Variants in ZNF385C observed in about 807,000 individuals in gnomAD.
The protein encoded by ZNF385C is zinc finger protein 385C, also known as CTD-2132N18.2.
ZNF385C carries 28 observed loss-of-function variants against 35.4 expected under a neutral mutation model. That is an observed-to-expected ratio of 0.79 (90% CI 0.59 to 1.08). The LOEUF (loss-of-function observed/expected upper bound fraction) is 1.08, where lower values mean the gene tolerates loss of function less well. Ranked by LOEUF, ZNF385C falls within the 50% of genes least tolerant of loss-of-function variation. The pLI, the probability that ZNF385C is intolerant of heterozygous loss-of-function variation, is 0.00. For missense variants in ZNF385C, 605 were observed against 595.6 expected, an observed-to-expected ratio of 1.02 and a Z score of -0.16; for synonymous variants, 248 against 248.2, an observed-to-expected ratio of 1.00 and a Z score of 0.01.
At chr17:42,042,468 G>A (rs2053047506) in intron 2 of ZNF385C, among the ~76,000 whole-genome samples, 2 of 152,002 alleles carry the variant, frequency 1.3e-5, no homozygotes, top group South Asian at 4.1e-4. Flanking sequence ...GTTGCAGTGA[G>A]CTGAGATCAC....
Position 42,026,839 on chromosome 17 carries a change from G to T in ZNF385C, c.*58C>A. ...GCATGTAGGAAACCAAGGTGTCTCA[G>T]GACAGGAGGAGACAAGGAGTGGCTA... On this transcript the variant is annotated 3_prime_UTR_variant, in exon 9 of 9. Coordinates refer to ENST00000692273, the MANE Select transcript of ZNF385C (RefSeq NM_001392013.1). The T allele has an allele frequency of 6.7e-7, 1 of 1,487,420 alleles. No homozygotes were observed. Among genetic ancestry groups the T allele is most frequent in the South Asian group, 1.2e-5 (1 of 82,856 alleles). The allele number at this position is 1,487,420 out of a possible 1,614,324, so 92.1% of individuals were successfully genotyped here. A position where few individuals can be genotyped will look rare whatever the true frequency, so the allele number is the denominator to read the frequency against.
Position 42,050,252 on chromosome 17 carries a change from C to G in ZNF385C, c.251-12367G>C, listed in dbSNP as rs2053253127. ...CCAGAATGTGGGTCCCGAGCCTCCT[C>G]CCCGGGCTCCTGGGGGCCCCTTGCT... is the stretch of plus-strand genomic sequence containing the variant. On this transcript the variant is annotated intron_variant, in intron 2 of 8. Coordinates refer to ENST00000692273, the MANE Select transcript of ZNF385C (RefSeq NM_001392013.1). The surrounding 1 kb of genome is among the most constrained non-coding windows in gnomAD (Gnocchi z 5.6). Among the ~76,000 whole-genome samples, 1 of 152,214 alleles carries G rather than the reference C, an allele frequency of 6.6e-6. No individual in the cohort carries two copies. The highest frequency in any genetic ancestry group is 1.5e-5 in the Non-Finnish European group (1 of 68,010).
chr17:42,073,894 G>A (rs936744108), intron 1 of ZNF385C, among the ~76,000 whole-genome samples: 1 of 152,226 alleles, frequency 6.6e-6, no homozygotes, highest in Non-Finnish European at 1.5e-5. Context: ...AGGCCCCATG[G>A]TGGGGAGCCT....
Position 42,050,917 on chromosome 17 carries a change from A to G in ZNF385C, c.250+11890T>C, listed in dbSNP as rs2143760550. Among the ~76,000 whole-genome samples the G allele has an allele frequency of 6.6e-6, 1 of 152,286 alleles. No individual in the cohort carries two copies. The highest frequency in any genetic ancestry group is 1.5e-5 in the Non-Finnish European group (1 of 68,000). The stretch of plus-strand genomic sequence containing the variant: ...CTCACAGCCTAAGCCACAGACAGGT[A>G]GAGCGCGGTAGAGGCTGCAAAGTGT... On this transcript the variant is annotated intron_variant, in intron 2 of 8. Transcript: ENST00000692273. This position sits in a 1 kb window ranked among gnomAD's most constrained non-coding sequence, Gnocchi z 5.6.
At chr17:42,067,750 C>T (rs550425213) in intron 1 of ZNF385C, among the ~76,000 whole-genome samples, 1 of 152,132 alleles carries the variant, frequency 6.6e-6, no homozygotes, top group African/African-American at 2.4e-5. Flanking sequence ...CCCAACTCTC[C>T]CAGCAGGAGG....
intron 1 of ZNF385C, among the ~76,000 whole-genome samples, chr17:42,089,148 T>C (rs2143948736): frequency 6.6e-6 from 1 of 151,978 alleles, no homozygotes; most frequent in Admixed American, 6.6e-5. Context: ...CAACTCCATC[T>C]CTACAAAAAA....
intron 2 of ZNF385C, among the ~76,000 whole-genome samples, chr17:42,053,350 T>C (rs1447894782): frequency 3.3e-5 from 5 of 151,796 alleles, no homozygotes; most frequent in African/African-American, 4.8e-5. Flanking sequence ...GAGGGGAGCA[T>C]TGATTTGGAC....
intron 5 of ZNF385C, 115 bp downstream of exon 5, chr17:42,031,504 T>C: frequency 7.5e-7 from 1 of 1,333,928 alleles, no homozygotes; most frequent in Non-Finnish European, 1.0e-6. Flanking sequence ...TGCCTTTGCC[T>C]GTCTGTATGG....
chr17:42,089,826 T>C (rs1377086115), intron 1 of ZNF385C, among the ~76,000 whole-genome samples: 1 of 151,954 alleles, frequency 6.6e-6, no homozygotes, highest in African/African-American at 2.4e-5. Context: ...TACAAAAGAA[T>C]GAAAAACATG....
At chr17:42,076,261 C>G (rs1555659250) in intron 1 of ZNF385C, among the ~76,000 whole-genome samples, 2 of 152,186 alleles carry the variant, frequency 1.3e-5, no homozygotes, top group African/African-American at 4.8e-5. Flanking sequence ...CATGCCCTTT[C>G]CCACTCATTT....
chr17:42,070,203 G>A (rs782413828), intron 1 of ZNF385C, among the ~76,000 whole-genome samples: 116 of 150,972 alleles, frequency 7.7e-4, no homozygotes, highest in Admixed American at 1.9e-3. Context: ...AAATTAGCCA[G>A]GCGTGGTGGC....
At position 42,063,331 on chromosome 17, in the gene ZNF385C, C is replaced by G. The variant is rs1368740338; in HGVS notation, c.-2-273G>C. Among the ~76,000 whole-genome samples the G allele has an allele frequency of 2.6e-5, 4 of 152,264 alleles. No homozygotes were observed. In the East Asian group the frequency reaches 7.7e-4, roughly 29 times the overall value. The stretch of plus-strand genomic sequence containing the variant: ...GTCACCTGAGGTCAGGAGTTTGACA[C>G]CAGCCTGACCAACATGGTGAAACCC... On this transcript the variant is annotated intron_variant, in intron 1 of 8. Transcript: ENST00000692273.
chr17:42,073,832 T>A (rs1419613018), intron 1 of ZNF385C, among the ~76,000 whole-genome samples: 1 of 152,208 alleles, frequency 6.6e-6, no homozygotes, highest in Non-Finnish European at 1.5e-5. Flanking sequence ...CGGTGCCATT[T>A]ACCTGCCTGG....
At chr17:42,060,703 CTCTGACT>C (rs1164205114) in intron 2 of ZNF385C, among the ~76,000 whole-genome samples, 1 of 152,094 alleles carries the variant, frequency 6.6e-6, no homozygotes, top group Non-Finnish European at 1.5e-5. Context: ...CCTCTCCCTC[CTCTGACT>C]TCTATTTTTA....
intron 2 of ZNF385C, chr17:42,038,844 G>A (rs1180430791): frequency 6.6e-6 from 1 of 152,242 alleles, no homozygotes; most frequent in Non-Finnish European, 1.5e-5. Flanking sequence ...ATTGGCCCTT[G>A]AACCACCAGC....
rs1233607606 is a variant in ZNF385C, at chr17:42,075,492, C to CTTT, written c.-2-12437_-2-12435dup. ...ATCCCAGTTACATTCCTTTATACTC[C>CTTT]TTTTTTTTTTTTTTTTTTTTCTGAT... On this transcript the variant is annotated intron_variant, in intron 1 of 8. Transcript: ENST00000692273. Among the ~76,000 whole-genome samples the CTTT allele has an allele frequency of 6.1e-4, 82 of 135,512 alleles. 2 individuals carry two copies. The highest frequency in any genetic ancestry group is 1.8e-3 in the African/African-American group (64 of 35,488). 88.9% of individuals were successfully genotyped at this position (135,512 alleles called of 152,430 possible).
chr17:42,028,292 AG>A, intron 6 of ZNF385C, 46 bp from the exon 7 acceptor site: 1 of 1,499,544 alleles, frequency 6.7e-7, no homozygotes. Flanking sequence ...AAGGGGTTGC[AG>A]GGGCCACAGA....
chr17:42,091,387 G>A (rs778490775), intron 1 of ZNF385C, among the ~76,000 whole-genome samples: 7 of 151,982 alleles, frequency 4.6e-5, no homozygotes, highest in African/African-American at 1.2e-4. Flanking sequence ...CGGAGGCTGC[G>A]GTGAGCTGTT....
intron 2 of ZNF385C, among the ~76,000 whole-genome samples, chr17:42,055,905 G>A (rs547048523): frequency 6.6e-6 from 1 of 152,230 alleles, no homozygotes; most frequent in African/African-American, 2.4e-5. Context: ...GGGGAGCCTA[G>A]ATTTGGCCTG....
Sources: allele counts gnomAD v4.1 joint callset (sites outside exome capture counted in the v4.1 genomes callset), GRCh38; gene constraint gnomAD v4.1.1; non-coding constraint Gnocchi (gnomAD v3.1); transcripts MANE v1.5; gene names NCBI Gene and HGNC (gene_info 2026-07-23, HGNC 2026-07-21).